Variants in ITGB5 observed in about 807,000 individuals in gnomAD.
The protein encoded by ITGB5 is integrin subunit beta 5.
In ITGB5, 38 loss-of-function variants were observed where a neutral mutation model predicts 84.8. The observed-to-expected ratio is 0.45, with a 90% confidence interval of 0.35 to 0.59. ITGB5 has a LOEUF of 0.59. Ranked by LOEUF, ITGB5 falls within the 20% of genes least tolerant of loss-of-function variation. ITGB5 has a pLI of 0.01. For synonymous variants in ITGB5, 393 were observed against 414.4 expected, an observed-to-expected ratio of 0.95 and a Z score of 0.63; for missense variants, 905 against 1,034.5, an observed-to-expected ratio of 0.87 and a Z score of 1.72.
intron 11 of ITGB5, chr3:124,769,415 G>A: frequency 6.6e-6 from 2 of 300,788 alleles, no homozygotes; most frequent in Non-Finnish European, 1.2e-5. Flanking sequence ...AATGCCTGGT[G>A]AGGAGTCTGC....
chr3:124,824,650 G>C (rs918331079), intron 5 of ITGB5, among the ~76,000 whole-genome samples: 3 of 152,162 alleles, frequency 2.0e-5, no homozygotes, highest in African/African-American at 7.2e-5. Context: ...TAAAGGATTT[G>C]TTTACAGAAT....
chr3:124,763,991 G>A (rs1161738475), intron 14 of ITGB5, among the ~76,000 whole-genome samples: 2 of 152,236 alleles, frequency 1.3e-5, no homozygotes, highest in East Asian at 1.9e-4. Context: ...ACCAAGCCCA[G>A]GTTCAGCAGA....
intron 5 of ITGB5, among the ~76,000 whole-genome samples, chr3:124,835,867 C>T (rs1315899879): frequency 2.0e-5 from 3 of 152,168 alleles, no homozygotes; most frequent in African/African-American, 7.2e-5. Context: ...GACTCTGGGA[C>T]TGGGGAATTT....
chr3:124,871,523 G>A (rs1173285372), intron 2 of ITGB5, among the ~76,000 whole-genome samples: 2 of 152,044 alleles, frequency 1.3e-5, no homozygotes, highest in African/African-American at 2.4e-5. Context: ...ATAAAACAAG[G>A]TATCAGTCAA....
intron 1 of ITGB5, among the ~76,000 whole-genome samples, chr3:124,884,982 TA>T (rs1934735379): frequency 6.6e-6 from 1 of 151,250 alleles, no homozygotes; most frequent in African/African-American, 2.4e-5. Context: ...TTTTAGAAAT[TA>T]TTCGCAGCCA....
At chr3:124,808,217 CTA>C in intron 9 of ITGB5, among the ~76,000 whole-genome samples, 1 of 152,272 alleles carries the variant, frequency 6.6e-6, no homozygotes, top group African/African-American at 2.4e-5. Flanking sequence ...TGTAAGGTCT[CTA>C]TAATTTTTTT....
In ITGB5 at chr3:124,766,263, G is replaced by A; in HGVS notation, c.2100C>T (p.Pro700=). ...GGACGGTCAGGTTGGACTTCCCACT[G>A]GGGAGCTCCACATAGGTGAACATCA... ...CVMMFTYVEL[P]SGKSNLTVLR... The change falls in exon 13 of 15, where the codon CCC becomes CCT. Residue 700 remains proline (P), a synonymous_variant. Transcript: ENST00000296181. 1 of 1,614,070 alleles carries A rather than the reference G, an allele frequency of 6.2e-7. No homozygotes were observed.
At chr3:124,821,241 G>A in intron 6 of ITGB5, 72 bp downstream of exon 6, 17 of 1,505,736 alleles carry the variant, frequency 1.1e-5, no homozygotes, top group Non-Finnish European at 1.5e-5. Flanking sequence ...TCAAGGCTGG[G>A]CAAGTACTAA....
intron 11 of ITGB5, among the ~76,000 whole-genome samples, chr3:124,770,348 G>C (rs936880109): frequency 6.6e-6 from 1 of 152,160 alleles, no homozygotes; most frequent in Non-Finnish European, 1.5e-5. Flanking sequence ...GAGGCCATCA[G>C]AGTGCAGGGG....
intron 3 of ITGB5, among the ~76,000 whole-genome samples, chr3:124,848,791 AT>A (rs3836317): frequency 0.83 from 126,484 of 151,580 alleles, 53,006 homozygotes; most frequent in African/African-American, 0.91. Flanking sequence ...ATTTTATTTT[AT>A]TTTTTTTGAG....
At chr3:124,836,811 A>C (rs896864256) in intron 5 of ITGB5, among the ~76,000 whole-genome samples, 7 of 152,238 alleles carry the variant, frequency 4.6e-5, no homozygotes, top group Admixed American at 1.3e-4. Flanking sequence ...TCCTGCCAAA[A>C]AAATTTTATT....
At chr3:124,835,298 T>C (rs566435826) in intron 5 of ITGB5, among the ~76,000 whole-genome samples, 7 of 151,876 alleles carry the variant, frequency 4.6e-5, no homozygotes, top group African/African-American at 1.7e-4. Context: ...AACCACGGAG[T>C]CCTGCACTTG....
At chr3:124,767,174 T>C (rs1273205144) in intron 12 of ITGB5, among the ~76,000 whole-genome samples, 1 of 152,174 alleles carries the variant, frequency 6.6e-6, no homozygotes, top group Non-Finnish European at 1.5e-5. Flanking sequence ...GCAGTGGCAA[T>C]GGCAATGGGT....
chr3:124,786,215 T>C (rs945017857), intron 10 of ITGB5, among the ~76,000 whole-genome samples: 6 of 152,120 alleles, frequency 3.9e-5, no homozygotes, highest in African/African-American at 1.4e-4. Context: ...TCCAAGGAAA[T>C]GATCTCAATA....
At chr3:124,854,111 A>T (rs2065192199) in intron 3 of ITGB5, among the ~76,000 whole-genome samples, 1 of 152,356 alleles carries the variant, frequency 6.6e-6, no homozygotes, top group South Asian at 2.1e-4. Flanking sequence ...TACTGAAATA[A>T]AATGGAAAAC....
At chr3:124,888,711 A>G (rs909852404), upstream of ITGB5, among the ~76,000 whole-genome samples, 2 of 152,220 alleles carry the variant, frequency 1.3e-5, no homozygotes, top group Non-Finnish European at 2.9e-5. Flanking sequence ...AAAGTGCAGC[A>G]TGGCTTGGCT....
At chr3:124,798,779 T>G (rs541071276) in intron 9 of ITGB5, among the ~76,000 whole-genome samples, 1 of 152,354 alleles carries the variant, frequency 6.6e-6, no homozygotes, top group South Asian at 2.1e-4. Flanking sequence ...AACATACAGA[T>G]CCCTATTACT....
intron 5 of ITGB5, among the ~76,000 whole-genome samples, chr3:124,839,043 A>G (rs2064977271): frequency 6.6e-6 from 1 of 152,270 alleles, no homozygotes; most frequent in Non-Finnish European, 1.5e-5. Context: ...AGGTGATGTC[A>G]AGTGAGAAAT....
rs61757101 is a variant in ITGB5, at chr3:124,848,500, C to G, written c.420G>C (p.Leu140=). The G allele has an allele frequency of 6.2e-7, 1 of 1,614,012 alleles. No homozygotes were observed. The highest frequency in any genetic ancestry group is 1.3e-5 in the African/African-American group (1 of 74,900). ...VRQVEDYPVD[L]YYLMDLSLSM... ...ACAGGGAGAGGTCCATCAGGTAGTA[C>G]AGGTCCACAGGATAGTCCTCCACCT... The change falls in exon 4 of 15, where the codon CTG becomes CTC. Residue 140 remains leucine (L), a synonymous_variant. Coordinates refer to ENST00000296181, the MANE Select transcript of ITGB5 (RefSeq NM_002213.5).
Sources: allele counts gnomAD v4.1 joint callset (sites outside exome capture counted in the v4.1 genomes callset), GRCh38; gene constraint gnomAD v4.1.1; transcripts MANE v1.5; gene names NCBI Gene and HGNC (gene_info 2026-07-23, HGNC 2026-07-21).